The following XIRP2 variants were observed in gnomAD, a reference collection of about 807,000 sequenced individuals.
XIRP2 encodes the protein xin actin binding repeat containing 2, also known as xin actin-binding repeat-containing protein 2.
Under a neutral mutation model 277.0 loss-of-function variants are expected in XIRP2, and 236 were observed. The ratio of observed to expected loss-of-function variants is 0.85; its 90% CI spans 0.77 to 0.95. The LOEUF (loss-of-function observed/expected upper bound fraction) is 0.95. Among genes scored for constraint, XIRP2 ranks in the 40% least tolerant of loss-of-function variants. The probability of loss-of-function intolerance (pLI) is 0.00; values close to 1 mark genes in which losing one functional copy is unlikely to be tolerated. For missense variants in XIRP2, 4,640 were observed against 4,157.5 expected, an observed-to-expected ratio of 1.12 and a Z score of -3.19; for synonymous variants, 1,490 against 1,416.5, an observed-to-expected ratio of 1.05 and a Z score of -1.17.
At chr2:166,935,723 C>G (rs1229121563) in intron 2 of XIRP2, among the ~76,000 whole-genome samples, 6 of 152,148 alleles carry the variant, frequency 3.9e-5, no homozygotes, top group African/African-American at 1.4e-4. Context: ...TCATCCATGT[C>G]CCTACAAAGG....
chr2:167,131,782 G>T (rs1000494952), intron 2 of XIRP2, among the ~76,000 whole-genome samples: 3 of 152,070 alleles, frequency 2.0e-5, no homozygotes, highest in Admixed American at 2.0e-4. Context: ...GAAGGCAGAT[G>T]ACTTAAATTA....
chr2:167,234,469 C>A (rs1573981455), intron 5 of XIRP2, among the ~76,000 whole-genome samples: 1 of 150,984 alleles, frequency 6.6e-6, no homozygotes, highest in East Asian at 1.9e-4. Context: ...ACTGACAATG[C>A]CTAGCCCAAT....
chr2:167,119,430 G>A (rs1312733093), intron 2 of XIRP2, among the ~76,000 whole-genome samples: 1 of 152,092 alleles, frequency 6.6e-6, no homozygotes, highest in Non-Finnish European at 1.5e-5. Context: ...AAATACTATA[G>A]GGGTCTCCAT....
rs1043828442 is a variant in XIRP2, at chr2:167,213,886, C to T, written c.723+2991C>T. ...TTGGGTGAATGAGCAGCTGCAGTAG[C>T]GTAATGATAGTACCAGGGGTAGCAG... On this transcript the variant is annotated intron_variant, in intron 4 of 10. Transcript: ENST00000409195. Among the ~76,000 whole-genome samples, 5 of 151,860 alleles carry T rather than the reference C, an allele frequency of 3.3e-5. No homozygotes were observed. The South Asian group carries it at 6.2e-4, about 19-fold the overall frequency.
chr2:166,917,558 G>A (rs1321200909), intron 2 of XIRP2, among the ~76,000 whole-genome samples: 2 of 151,994 alleles, frequency 1.3e-5, no homozygotes, highest in African/African-American at 2.4e-5. Context: ...AAGACTTTCA[G>A]AGGAAACTGC....
intron 2 of XIRP2, among the ~76,000 whole-genome samples, chr2:167,114,061 T>G (rs1038563758): frequency 2.2e-4 from 33 of 152,224 alleles, no homozygotes; most frequent in Non-Finnish European, 1.5e-4. Flanking sequence ...CTTTAACATT[T>G]TATCTTTCAT....
chr2:166,952,243 T>G (rs1686054947), intron 2 of XIRP2, among the ~76,000 whole-genome samples: 1 of 152,030 alleles, frequency 6.6e-6, no homozygotes, highest in Non-Finnish European at 1.5e-5. Context: ...ATTCGTCCGG[T>G]GGATGAGCTG....
intron 2 of XIRP2, among the ~76,000 whole-genome samples, chr2:167,069,791 T>C (rs1394453723): frequency 6.6e-6 from 1 of 152,170 alleles, no homozygotes; most frequent in African/African-American, 2.4e-5. Context: ...TTCATTTTTG[T>C]CATCTTAGCC....
chr2:167,243,336 AG>A lies in XIRP2; in HGVS notation c.1946del (p.Gly649GlufsTer18). The A allele has an allele frequency of 6.2e-7, 1 of 1,614,136 alleles. No homozygotes were observed. Among genetic ancestry groups the A allele is most frequent in the South Asian group, 1.1e-5 (1 of 91,086 alleles). ...CAGAGAAAATTCCTGAGCTAGCCAGAGGAGATGTCTGCACAGCTCGGTGGAT... is the reference window on the plus strand; with the variant it reads ...CAGAGAAAATTCCTGAGCTAGCCAGAGAGATGTCTGCACAGCTCGGTGGAT... ...NAEKIPELAR[G>X]DVCTARWMFE... is the part of the protein sequence containing the mutation. On this transcript the variant is annotated frameshift_variant, in exon 9 of 11. Coordinates refer to ENST00000409195, the MANE Select transcript of XIRP2 (RefSeq NM_152381.6). LOFTEE classifies it high-confidence loss of function.
At position 167,242,761 on chromosome 2, in the gene XIRP2, C is replaced by T. The variant is rs538062768; in HGVS notation, c.1369C>T (p.Pro457Ser). ...GACAGAAGAATTTCCTCCTCCCCCA[C>T]CTGACGTACTTCAAACTTCAGTAGA... is the stretch of plus-strand genomic sequence containing the variant. ...GMTEEFPPPPPDVLQTSVDVT... is the reference protein window; with the variant it reads ...GMTEEFPPPPSDVLQTSVDVT... Residue 457 changes from proline (P) to serine (S), a missense_variant, in exon 9 of 11, where the codon CCT becomes TCT. By Grantham distance (74) the Pro-to-Ser change is moderately conservative (BLOSUM62 -1). Transcript: ENST00000409195. 8 of 1,614,066 alleles carry T rather than the reference C, an allele frequency of 5.0e-6. No homozygotes were observed. Among genetic ancestry groups the T allele is most frequent in the African/African-American group, 4.0e-5 (3 of 75,048 alleles).
intron 2 of XIRP2, among the ~76,000 whole-genome samples, chr2:167,003,685 A>T (rs1478624349): frequency 2.6e-5 from 4 of 151,962 alleles, no homozygotes; most frequent in Admixed American, 2.6e-4. Context: ...GAAGACTTTA[A>T]AGAGATTTTA....
At chr2:166,959,554 C>T (rs959537164) in intron 2 of XIRP2, among the ~76,000 whole-genome samples, 69 of 151,866 alleles carry the variant, frequency 4.5e-4, no homozygotes, top group African/African-American at 1.6e-3. Context: ...GCAAAGAAAA[C>T]AGTATATAGG....
At chr2:167,128,917 A>T (rs1273054482) in intron 2 of XIRP2, among the ~76,000 whole-genome samples, 1 of 152,168 alleles carries the variant, frequency 6.6e-6, no homozygotes, top group Non-Finnish European at 1.5e-5. Context: ...GAGATAGATT[A>T]ATTATTCAAA....
chr2:166,997,823 T>C (rs1687263870), intron 2 of XIRP2, among the ~76,000 whole-genome samples: 1 of 151,576 alleles, frequency 6.6e-6, no homozygotes, highest in South Asian at 2.1e-4. Flanking sequence ...GAGAATCACT[T>C]GAACCCGGGA....
At chr2:167,120,721 TC>T in intron 2 of XIRP2, among the ~76,000 whole-genome samples, 1 of 152,166 alleles carries the variant, frequency 6.6e-6, no homozygotes, top group East Asian at 1.9e-4. Flanking sequence ...CAGGCTCTTA[TC>T]TTAACAAAAT....
intron 2 of XIRP2, among the ~76,000 whole-genome samples, chr2:167,014,576 A>G (rs1237691117): frequency 6.6e-6 from 1 of 151,768 alleles, no homozygotes; most frequent in African/African-American, 2.4e-5. Context: ...GAGAATATAA[A>G]AGCAAAGATG....
chr2:167,216,988 A>C lies in XIRP2; in HGVS notation c.724-1178A>C, dbSNP rs1468070831. 2.1e-5 allele frequency among the ~76,000 whole-genome samples: 3 copies of C among 143,328 alleles called. 1 individual carries two copies. Among genetic ancestry groups the C allele is most frequent in the Non-Finnish European group, 4.5e-5 (3 of 67,100 alleles). 94.0% of individuals were successfully genotyped at this position (143,328 alleles called of 152,430 possible). A position where few individuals can be genotyped will look rare whatever the true frequency, so the allele number is the denominator to read the frequency against. ...ATGAGTTCATGTCCTTTGTAGGGAC[A>C]TGGATGAAATTGGAAACCATCATTC... On this transcript the variant is annotated intron_variant, in intron 4 of 10. Transcript: ENST00000409195.
chr2:167,088,329 T>C (rs1424056694), intron 2 of XIRP2, among the ~76,000 whole-genome samples: 1 of 151,974 alleles, frequency 6.6e-6, no homozygotes, highest in East Asian at 1.9e-4. Context: ...AGCCTCACAT[T>C]CTCCATTCCC....
chr2:166,954,683 G>A (rs1368601186), intron 2 of XIRP2, among the ~76,000 whole-genome samples: 2 of 151,952 alleles, frequency 1.3e-5, no homozygotes, highest in Non-Finnish European at 2.9e-5. Context: ...GCCCATCAGT[G>A]ATAGACTGGA....
Sources: gnomAD v4.1 joint callset for allele counts (sites outside exome capture counted in the v4.1 genomes callset) on GRCh38, gnomAD v4.1.1 for gene constraint, MANE v1.5 for transcripts, NCBI Gene and HGNC (gene_info 2026-07-23, HGNC 2026-07-21) for gene names.